The following WDR43 variants were observed in gnomAD, a reference collection of about 807,000 sequenced individuals.
The protein encoded by WDR43 is WD repeat domain 43, also known as WD repeat-containing protein 43.
Under a neutral mutation model 91.4 loss-of-function variants are expected in WDR43, and 13 were observed. The observed-to-expected ratio is 0.14, with a 90% confidence interval of 0.09 to 0.23. The LOEUF (loss-of-function observed/expected upper bound fraction) is 0.23, where lower values mean the gene tolerates loss of function less well. Among genes scored for constraint, WDR43 ranks in the 10% least tolerant of loss-of-function variants. The pLI, the probability that WDR43 is intolerant of heterozygous loss-of-function variation, is 1.00. For synonymous variants in WDR43, 331 were observed against 287.9 expected (o/e 1.15, Z -1.51); for missense variants, 780 against 809.4 (o/e 0.96, Z 0.44).
chr2:28,906,478 A>G lies in WDR43; in HGVS notation c.382A>G (p.Arg128Gly), dbSNP rs768509945. 1.3e-6 allele frequency: 2 copies of G among 1,571,916 alleles called. No homozygotes were observed. ...SKLISGGHDN[R>G]VNCIQWHQDS... ...TCTACAGAGTGGTGGACATGACAACAGAGTCAACTGCATACAGTGGCATCA... is the reference window on the plus strand; with the variant it reads ...TCTACAGAGTGGTGGACATGACAACGGAGTCAACTGCATACAGTGGCATCA... Residue 128 changes from arginine to glycine, a missense_variant, in exon 3 of 18, where the codon AGA becomes GGA. Coordinates refer to ENST00000407426, the MANE Select transcript of WDR43 (RefSeq NM_015131.3).
chr2:28,903,993 T>TG (rs1342513437), intron 2 of WDR43, among the ~76,000 whole-genome samples: 1 of 151,978 alleles, frequency 6.6e-6, no homozygotes, highest in African/African-American at 2.4e-5. Flanking sequence ...TTAGTAGAGA[T>TG]GGGGTTTTGT....
At chr2:28,942,966 G>A (rs550198850) in intron 16 of WDR43, among the ~76,000 whole-genome samples, 1 of 152,110 alleles carries the variant, frequency 6.6e-6, no homozygotes, top group South Asian at 2.1e-4. Flanking sequence ...ACATTTAAAA[G>A]TCTAGGTGGT....
Position 28,894,967 on chromosome 2 carries a change from C to G in WDR43, c.225+44C>G, listed in dbSNP as rs774633714. ...CGCGGGGCGGGCGCCTTCCCGGGCTCGGCTTCGGGCCTCCGGGCCGGGTGG... is the reference window on the plus strand; with the variant it reads ...CGCGGGGCGGGCGCCTTCCCGGGCTGGGCTTCGGGCCTCCGGGCCGGGTGG... On this transcript the variant is annotated intron_variant, in intron 1 of 17. Transcript: ENST00000407426. 53 of 1,466,186 alleles carry G rather than the reference C, an allele frequency of 3.6e-5. No individual in the cohort carries two copies. In the Middle Eastern group the frequency reaches 1.2e-3, roughly 34 times the overall value. The allele number at this position is 1,466,186 out of a possible 1,614,324, so 90.8% of individuals were successfully genotyped here. A position where few individuals can be genotyped will look rare whatever the true frequency, so the allele number is the denominator to read the frequency against.
chr2:28,903,070 A>T (rs1037756616), intron 2 of WDR43, among the ~76,000 whole-genome samples: 1 of 152,142 alleles, frequency 6.6e-6, no homozygotes, highest in African/African-American at 2.4e-5. Flanking sequence ...TACATACATT[A>T]AAAAAATATA....
chr2:28,901,552 TAGG>T (rs1426398252), intron 1 of WDR43, among the ~76,000 whole-genome samples: 2 of 152,176 alleles, frequency 1.3e-5, no homozygotes, highest in Non-Finnish European at 2.9e-5. Context: ...GTGGAAAAAT[TAGG>T]AGAGATAAAG....
In WDR43 at chr2:28,935,344, G is replaced by A. The variant is rs186954746; in HGVS notation, c.1438-177G>A. Among the ~76,000 whole-genome samples, 8 of 152,000 alleles carry A rather than the reference G, an allele frequency of 5.3e-5. 1 individual carries two copies. The South Asian group carries it at 6.2e-4, about 12-fold the overall frequency. On this transcript the variant is annotated intron_variant, in intron 11 of 17. Transcript: ENST00000407426. ...TGTGCTTGTCTGTTAAGCACAAGAC[G>A]TAATATAACATACTCCATTCAGTCC...
chr2:28,920,839 G>T (rs1195551841), intron 6 of WDR43, among the ~76,000 whole-genome samples: 1 of 151,464 alleles, frequency 6.6e-6, no homozygotes, highest in Non-Finnish European at 1.5e-5. Flanking sequence ...ATCACGCCCG[G>T]CTAATTTTTG....
intron 9 of WDR43, 49 bp downstream of exon 9, chr2:28,926,603 G>A (rs1387948293): frequency 3.5e-6 from 5 of 1,447,510 alleles, no homozygotes; most frequent in Non-Finnish European, 4.7e-6. Context: ...TATTTCTTTG[G>A]GTGAATGGAA....
At position 28,894,916 on chromosome 2, in the gene WDR43, A is replaced by G. The variant is rs116815829; in HGVS notation, c.218A>G (p.Gln73Arg). 5 of 1,587,990 alleles carry G rather than the reference A, an allele frequency of 3.1e-6. No homozygotes were observed. The highest frequency in any genetic ancestry group is 2.7e-5 in the African/African-American group (2 of 74,372). The change falls in exon 1 of 18, where the codon CAG becomes CGG. Residue 73 changes from glutamine (Q) to arginine (R), a missense_variant. Coordinates refer to ENST00000407426, the MANE Select transcript of WDR43 (RefSeq NM_015131.3). ...TCLAWAPARL[Q>R]AKESPQRKKR... ...CTGGCCTGGGCGCCAGCGCGGCTGC[A>G]GGCCAAGGTAAAGCGAGCGGGACTG...
rs748130814 is a variant in WDR43 at position 28,925,139 on chromosome 2, A to G, written c.1072A>G (p.Thr358Ala). The G allele has an allele frequency of 2.5e-6, 4 of 1,613,224 alleles. No homozygotes were observed. The highest frequency in any genetic ancestry group is 1.7e-5 in the Admixed American group (1 of 59,904). Residue 358 changes from threonine to alanine, a missense_variant, in exon 8 of 18, where the codon ACT (threonine) becomes GCT (alanine). Thr to Ala is a moderately conservative substitution (Grantham distance 58, BLOSUM62 0). Around this residue, in one of 4 missense-constraint regions of WDR43, gnomAD observed 426 missense variants for 467.8 expected, o/e 0.91. Coordinates refer to ENST00000407426, the MANE Select transcript of WDR43 (RefSeq NM_015131.3). ...TGTATATGGCAGTTGGTTTCAGCCT[A>G]CTATTGAGCGAGTGGTACGTAGCTG... ...LLVYGSWFQP[T>A]IERVALNSRE...
intron 11 of WDR43, chr2:28,929,917 C>A: frequency 1.7e-6 from 1 of 605,234 alleles, no homozygotes; most frequent in Admixed American, 2.6e-5. Context: ...TTATTTTGAA[C>A]CTGGAATGCA....
chr2:28,946,353 T>A lies in WDR43; in HGVS notation c.1805-97T>A, dbSNP rs1671541753. The A allele has an allele frequency of 2.5e-6, 3 of 1,195,070 alleles. 1 individual carries two copies. In the African/African-American group the frequency reaches 4.7e-5, roughly 19 times the overall value. 74.0% of individuals were successfully genotyped at this position (1,195,070 alleles called of 1,614,324 possible). On this transcript the variant is annotated intron_variant, in intron 16 of 17. Transcript: ENST00000407426. ...ATGATTGCTAAATATAAATAATATTTCTAAAAGTAAATTCAGGAATCTGGT... is the reference window on the plus strand; with the variant it reads ...ATGATTGCTAAATATAAATAATATTACTAAAAGTAAATTCAGGAATCTGGT...
At chr2:28,903,184 T>A (rs1263286633) in intron 2 of WDR43, among the ~76,000 whole-genome samples, 1 of 152,198 alleles carries the variant, frequency 6.6e-6, no homozygotes, top group Middle Eastern at 3.2e-3. Flanking sequence ...TTTTAGTGAC[T>A]GCTTAAAATC....
rs954860120 is a variant in WDR43 at position 28,942,175 on chromosome 2, A to G, written c.1735-137A>G. ...TATTTGAAGGACTTTTTTGCTCTGT[A>G]TTGTATGAAGGTCCTCCATTATGGT... On this transcript the variant is annotated intron_variant, in intron 15 of 17. Coordinates refer to ENST00000407426, the MANE Select transcript of WDR43 (RefSeq NM_015131.3). The G allele has an allele frequency of 4.1e-6, 3 of 726,986 alleles. No homozygotes were observed. The African/African-American group carries it at 5.3e-5, about 13-fold the overall frequency. The allele number at this position is 726,986 out of a possible 1,614,324, so 45.0% of individuals were successfully genotyped here.
At chr2:28,928,421 A>G (rs529430558) in intron 10 of WDR43, among the ~76,000 whole-genome samples, 102 of 152,300 alleles carry the variant, frequency 6.7e-4, no homozygotes, top group Middle Eastern at 3.4e-3. Flanking sequence ...ACATGTTCAT[A>G]AAAGTTATTC....
At chr2:28,920,098 G>A (rs946128943) in intron 6 of WDR43, among the ~76,000 whole-genome samples, 4 of 151,838 alleles carry the variant, frequency 2.6e-5, no homozygotes, top group Non-Finnish European at 5.9e-5. Context: ...CGCCTGTCTC[G>A]GCCTCCCAAA....
chr2:28,944,325 T>G (rs1671502732), intron 16 of WDR43, among the ~76,000 whole-genome samples: 1 of 152,252 alleles, frequency 6.6e-6, no homozygotes, highest in Non-Finnish European at 1.5e-5. Context: ...GATGGGCATT[T>G]GTAAACAGAT....
chr2:28,905,072 G>C (rs1670652272), intron 2 of WDR43: 1 of 152,166 alleles, frequency 6.6e-6, no homozygotes, highest in African/African-American at 2.4e-5. Context: ...GATAGAGGAG[G>C]GTGGAGAATC....
intron 6 of WDR43, among the ~76,000 whole-genome samples, chr2:28,920,903 C>G (rs926091529): frequency 4.6e-5 from 7 of 151,132 alleles, no homozygotes; most frequent in Admixed American, 3.3e-4. Context: ...TCTTGAACTC[C>G]TGACCTCAGG....
Sources: gnomAD v4.1 joint callset for allele counts (sites outside exome capture counted in the v4.1 genomes callset) on GRCh38, gnomAD v4.1.1 for gene constraint, gnomAD v4.1.1 regional missense constraint, MANE v1.5 for transcripts, NCBI Gene and HGNC (gene_info 2026-07-23, HGNC 2026-07-21) for gene names.